PTPRK: variants seen among roughly 807,000 people sequenced by gnomAD.
The protein encoded by PTPRK is receptor-type tyrosine-protein phosphatase kappa.
In PTPRK, 75 loss-of-function variants were observed where a neutral mutation model predicts 178.0. That is an observed-to-expected ratio of 0.42 (90% confidence interval 0.35 to 0.51). PTPRK has a LOEUF of 0.51. Ranked by LOEUF, PTPRK falls within the 20% of genes least tolerant of loss-of-function variation. The probability of loss-of-function intolerance (pLI) is 0.02; values close to 1 mark genes in which losing one functional copy is unlikely to be tolerated. For synonymous variants in PTPRK, 637 were observed against 620.6 expected (o/e 1.03, Z -0.39); for missense variants, 1,441 against 1,797.8 (o/e 0.80, Z 3.59).
At chr6:128,022,644 C>T (rs1280245078) in intron 13 of PTPRK, among the ~76,000 whole-genome samples, 6 of 152,094 alleles carry the variant, frequency 3.9e-5, no homozygotes, top group South Asian at 2.1e-4. Flanking sequence ...GCTGAGGCAC[C>T]GTCCTCCAGT....
intron 7 of PTPRK, among the ~76,000 whole-genome samples, chr6:128,107,386 A>G (rs1003102960): frequency 2.6e-5 from 4 of 152,110 alleles, no homozygotes; most frequent in African/African-American, 9.7e-5. Context: ...CTATAATTCA[A>G]TTCTCTGATG....
intron 3 of PTPRK, among the ~76,000 whole-genome samples, chr6:128,296,284 C>A (rs887723785): frequency 6.6e-6 from 1 of 152,068 alleles, no homozygotes; most frequent in South Asian, 2.1e-4. Flanking sequence ...CACATCTTTG[C>A]TCAAAAATCA....
intron 2 of PTPRK, among the ~76,000 whole-genome samples, chr6:128,339,513 TC>T (rs1234854865): frequency 4.6e-5 from 7 of 152,138 alleles, no homozygotes; most frequent in Non-Finnish European, 8.8e-5. Context: ...AGCATTCAAT[TC>T]AAAAGACAAT....
intron 1 of PTPRK, among the ~76,000 whole-genome samples, chr6:128,421,599 C>T (rs1232775829): frequency 2.0e-5 from 3 of 152,190 alleles, no homozygotes; most frequent in Admixed American, 6.5e-5. Context: ...TCCAGAATTA[C>T]GATTCATTTC....
At chr6:128,165,865 A>T (rs765981543) in intron 7 of PTPRK, among the ~76,000 whole-genome samples, 1 of 151,668 alleles carries the variant, frequency 6.6e-6, no homozygotes, top group Non-Finnish European at 1.5e-5. Context: ...TTCAATAGTT[A>T]AGTGAAAGAT....
chr6:128,015,885 T>A (rs915523544), intron 13 of PTPRK, among the ~76,000 whole-genome samples: 1 of 151,828 alleles, frequency 6.6e-6, no homozygotes, highest in East Asian at 1.9e-4. Context: ...GCCAACCCCA[T>A]TTAAATTATA....
chr6:127,985,684 A>T (rs1775887552), intron 22 of PTPRK, 37 bp downstream of exon 22: 2 of 1,546,072 alleles, frequency 1.3e-6, no homozygotes, highest in South Asian at 2.4e-5. Flanking sequence ...AAAAAAGCTG[A>T]TTGCATACAG....
At chr6:128,464,634 T>TATATAC (rs1187260110) in intron 1 of PTPRK, among the ~76,000 whole-genome samples, 15 of 40,886 alleles carry the variant, frequency 3.7e-4, no homozygotes, top group African/African-American at 2.4e-3. Context: ...TATATATATA[T>TATATAC]ACACATATAT....
chr6:128,451,941 T>C (rs1847847679), intron 1 of PTPRK, among the ~76,000 whole-genome samples: 1 of 152,194 alleles, frequency 6.6e-6, no homozygotes, highest in Non-Finnish European at 1.5e-5. Context: ...AAATATGCTT[T>C]TCATATATAC....
At chr6:128,312,895 C>G (rs1178493624) in intron 3 of PTPRK, among the ~76,000 whole-genome samples, 5 of 152,062 alleles carry the variant, frequency 3.3e-5, no homozygotes, top group African/African-American at 1.2e-4. Flanking sequence ...CAGCCTCATC[C>G]AATCAATTCT....
At chr6:128,174,487 T>C (rs565989087) in intron 7 of PTPRK, among the ~76,000 whole-genome samples, 1 of 152,018 alleles carries the variant, frequency 6.6e-6, no homozygotes, top group South Asian at 2.1e-4. Flanking sequence ...TGGTATAATA[T>C]ATTAAAATAA....
intron 15 of PTPRK, among the ~76,000 whole-genome samples, chr6:128,004,683 T>C (rs1778221368): frequency 6.6e-6 from 1 of 151,830 alleles, no homozygotes; most frequent in South Asian, 2.1e-4. Context: ...CCAAAAAGAA[T>C]TACTGTTTCC....
intron 14 of PTPRK, among the ~76,000 whole-genome samples, chr6:128,007,459 C>T (rs549647838): frequency 6.6e-6 from 1 of 150,848 alleles, no homozygotes; most frequent in African/African-American, 2.4e-5. Flanking sequence ...TAGAGAGGCT[C>T]ATTAACTTAA....
chr6:127,997,044 T>C, intron 16 of PTPRK, 56 bp from the exon 17 acceptor site: 1 of 1,552,236 alleles, frequency 6.4e-7, no homozygotes, highest in Non-Finnish European at 8.8e-7. Context: ...AAAAATCAGG[T>C]TTATCTGTTC....
At chr6:128,473,636 C>T (rs1050240709) in intron 1 of PTPRK, among the ~76,000 whole-genome samples, 2 of 151,864 alleles carry the variant, frequency 1.3e-5, no homozygotes, top group African/African-American at 4.8e-5. Context: ...AAATGACTCA[C>T]CTCCTAGTTA....
At chr6:128,045,836 T>C (rs1226703185) in intron 13 of PTPRK, among the ~76,000 whole-genome samples, 2 of 152,126 alleles carry the variant, frequency 1.3e-5, no homozygotes, top group African/African-American at 2.4e-5. Context: ...CAGTTCTTCA[T>C]TTCAATAAGA....
intron 22 of PTPRK, among the ~76,000 whole-genome samples, chr6:127,983,746 T>G (rs147861320): frequency 1.1e-3 from 164 of 152,322 alleles, no homozygotes; most frequent in African/African-American, 3.8e-3. Context: ...GATTGAATAT[T>G]TTTAGATTCA....
intron 6 of PTPRK, among the ~76,000 whole-genome samples, chr6:128,197,781 C>CA (rs1805163682): frequency 6.6e-6 from 1 of 151,850 alleles, no homozygotes; most frequent in Non-Finnish European, 1.5e-5. Context: ...AATAAAGGCA[C>CA]AAAATAACAT....
chr6:128,270,836 T>C (rs1024677607), intron 3 of PTPRK, among the ~76,000 whole-genome samples: 2 of 152,104 alleles, frequency 1.3e-5, no homozygotes, highest in Non-Finnish European at 2.9e-5. Context: ...CCAAGCATAC[T>C]ATTTGGTTAA....
Sources: gnomAD v4.1 joint callset for allele counts (sites outside exome capture counted in the v4.1 genomes callset) on GRCh38, gnomAD v4.1.1 for gene constraint, MANE v1.5 for transcripts, NCBI Gene and HGNC (gene_info 2026-07-23, HGNC 2026-07-21) for gene names.